Variants in PRPSAP1 observed in about 807,000 individuals in gnomAD.
PRPSAP1 encodes the protein phosphoribosyl pyrophosphate synthetase associated protein 1.
PRPSAP1 carries 31 observed loss-of-function variants against 39.4 expected under a neutral mutation model. The observed-to-expected ratio is 0.79, with a 90% CI of 0.59 to 1.06. PRPSAP1 has a LOEUF of 1.06. Among genes scored for constraint, PRPSAP1 ranks in the 50% least tolerant of loss-of-function variants. The probability of loss-of-function intolerance (pLI) is 0.00; values close to 1 mark genes in which losing one functional copy is unlikely to be tolerated. For missense variants in PRPSAP1, 430 were observed against 511.6 expected, an observed-to-expected ratio of 0.84 and a Z score of 1.54; for synonymous variants, 212 against 192.6, an observed-to-expected ratio of 1.10 and a Z score of -0.83.
intron 4 of PRPSAP1, 82 bp from the exon 5 acceptor site, chr17:76,330,748 C>T (rs2071312756): frequency 5.2e-6 from 4 of 774,862 alleles, no homozygotes; most frequent in Non-Finnish European, 8.3e-6. Flanking sequence ...TGCTCAACTC[C>T]TGCTTCCTAC....
intron 3 of PRPSAP1, among the ~76,000 whole-genome samples, chr17:76,342,816 A>G (rs1478807518): frequency 1.3e-5 from 2 of 151,792 alleles, no homozygotes; most frequent in African/African-American, 4.8e-5. Context: ...GCTCACGCCT[A>G]TAATCCCAGC....
chr17:76,346,919 G>A (rs904723072), intron 2 of PRPSAP1, among the ~76,000 whole-genome samples: 1 of 152,052 alleles, frequency 6.6e-6, no homozygotes, highest in Non-Finnish European at 1.5e-5. Flanking sequence ...CCTCCTCCAT[G>A]TCAGGAACTG....
At chr17:76,335,837 T>A (rs995822935) in intron 3 of PRPSAP1, among the ~76,000 whole-genome samples, 9 of 151,974 alleles carry the variant, frequency 5.9e-5, no homozygotes, top group African/African-American at 2.2e-4. Flanking sequence ...TAAAATAAAA[T>A]TTAAAAATCA....
intron 1 of PRPSAP1, among the ~76,000 whole-genome samples, chr17:76,352,661 A>G (rs1022102276): frequency 4.0e-5 from 6 of 151,052 alleles, no homozygotes; most frequent in Non-Finnish European, 8.9e-5. Context: ...AAAAAAAAAA[A>G]AAAAAAGAAA....
At position 76,337,809 on chromosome 17, in the gene PRPSAP1, G is replaced by A. The variant is rs141377586; in HGVS notation, c.291-5374C>T. 6.8e-3 allele frequency among the ~76,000 whole-genome samples: 1,038 copies of A among 152,152 alleles called. 19 individuals are homozygous for A. The highest frequency in any genetic ancestry group is 0.023 in the African/African-American group (975 of 41,504). Reference sequence around the variant, plus strand: ...TTTAGTAGAGACGGGGTTTCACCATGTTGGCTAGTCTGGTCTCAAACTCCT... The same window carrying A: ...TTTAGTAGAGACGGGGTTTCACCATATTGGCTAGTCTGGTCTCAAACTCCT... On this transcript the variant is annotated intron_variant, in intron 3 of 9. Coordinates refer to ENST00000446526, the MANE Select transcript of PRPSAP1 (RefSeq NM_002766.3).
chr17:76,323,337 G>A (rs1191221887), intron 7 of PRPSAP1, among the ~76,000 whole-genome samples: 15 of 147,106 alleles, frequency 1.0e-4, no homozygotes, highest in African/African-American at 3.6e-4. Context: ...GCAAGACTCT[G>A]TATCAAAAAA....
intron 7 of PRPSAP1, among the ~76,000 whole-genome samples, chr17:76,315,775 C>T (rs1435709221): frequency 1.5e-5 from 2 of 131,886 alleles, no homozygotes; most frequent in African/African-American, 2.9e-5. Context: ...AGTGCAGTGG[C>T]ACGATCTCGG....
intron 6 of PRPSAP1, 27 bp from the exon 7 acceptor site, chr17:76,328,889 A>G: frequency 6.3e-7 from 1 of 1,585,632 alleles, no homozygotes; most frequent in South Asian, 1.1e-5. Context: ...AAATGGTGAA[A>G]CTGACAGGAA....
intron 3 of PRPSAP1, among the ~76,000 whole-genome samples, chr17:76,335,821 TAAAAATAAAATAAAATTTAAAAATCA>T (rs2071372487): frequency 6.6e-6 from 1 of 152,040 alleles, no homozygotes; most frequent in Non-Finnish European, 1.5e-5. Context: ...ACCTGGTCTC[TAAAAATAAAATAAAATTTAAAAATCA>T]GCCAGGCACG....
chr17:76,311,954 T>C (rs539398763), intron 9 of PRPSAP1, among the ~76,000 whole-genome samples: 2 of 152,250 alleles, frequency 1.3e-5, no homozygotes, highest in Admixed American at 6.5e-5. Flanking sequence ...TGAGCCCCAG[T>C]GCTATGCAAA....
chr17:76,322,203 C>T (rs1396056956), intron 7 of PRPSAP1, among the ~76,000 whole-genome samples: 1 of 152,074 alleles, frequency 6.6e-6, no homozygotes, highest in African/African-American at 2.4e-5. Flanking sequence ...TCGTGACCAG[C>T]CCGACCAACA....
intron 7 of PRPSAP1, among the ~76,000 whole-genome samples, chr17:76,316,210 T>C (rs1354638755): frequency 6.8e-6 from 1 of 147,898 alleles, no homozygotes. Flanking sequence ...AAAAGAAAGA[T>C]TGCAAGCCAA....
In PRPSAP1 at chr17:76,311,528, G is replaced by C. The variant is rs1260353064; in HGVS notation, c.*14C>G. 2 of 1,612,400 alleles carry C rather than the reference G, an allele frequency of 1.2e-6. No individual in the cohort carries two copies. The highest frequency in any genetic ancestry group is 1.7e-6 in the Non-Finnish European group (2 of 1,179,160). Reference sequence around the variant, plus strand: ...TTTCCCTCAGGAGGTCCAGGGTCGAGACCCTCGTGAAAGCTAGTCATCCAC... The same window carrying C: ...TTTCCCTCAGGAGGTCCAGGGTCGACACCCTCGTGAAAGCTAGTCATCCAC... On this transcript the variant is annotated 3_prime_UTR_variant, in exon 10 of 10. Transcript: ENST00000446526.
At position 76,337,795 on chromosome 17, in the gene PRPSAP1, C is replaced by T. The variant is rs562039717; in HGVS notation, c.291-5360G>A. Among the ~76,000 whole-genome samples the T allele has an allele frequency of 6.2e-3, 939 of 152,120 alleles. 3 individuals are homozygous for T. The highest frequency in any genetic ancestry group is 0.011 in the Non-Finnish European group (748 of 67,968). ...TAATTTTTTGTATTTTTAGTAGAGACGGGGTTTCACCATGTTGGCTAGTCT... is the reference window on the plus strand; with the variant it reads ...TAATTTTTTGTATTTTTAGTAGAGATGGGGTTTCACCATGTTGGCTAGTCT... On this transcript the variant is annotated intron_variant, in intron 3 of 9. Coordinates refer to ENST00000446526, the MANE Select transcript of PRPSAP1 (RefSeq NM_002766.3).
intron 2 of PRPSAP1, chr17:76,346,030 G>A (rs1050960433): frequency 2.3e-6 from 1 of 439,740 alleles, no homozygotes; most frequent in Non-Finnish European, 4.4e-6. Flanking sequence ...TGACACTGGC[G>A]AGGAGGGGAA....
intron 1 of PRPSAP1, among the ~76,000 whole-genome samples, chr17:76,350,438 C>CA (rs541471519): frequency 0.021 from 2,624 of 127,282 alleles, 25 homozygotes; most frequent in Middle Eastern, 0.06. Flanking sequence ...GATTCCGTCT[C>CA]AAAAAAAAAA....
chr17:76,353,184 A>C, intron 1 of PRPSAP1: 2 of 218,778 alleles, frequency 9.1e-6, no homozygotes, highest in South Asian at 1.0e-4. Context: ...CAGCCGTGGG[A>C]AAGGAAGCCA....
chr17:76,340,191 G>A (rs1308072433), intron 3 of PRPSAP1, among the ~76,000 whole-genome samples: 1 of 148,018 alleles, frequency 6.8e-6, no homozygotes, highest in Non-Finnish European at 1.5e-5. Context: ...TTAGTATATT[G>A]CCCAGGCTGG....
At position 76,347,484 on chromosome 17, in the gene PRPSAP1, C is replaced by CAAAAAAAAAAAAAAAAA. The variant is rs71161289; in HGVS notation, c.223+1028_223+1044dup. On this transcript the variant is annotated intron_variant, in intron 2 of 9. Coordinates refer to ENST00000446526, the MANE Select transcript of PRPSAP1 (RefSeq NM_002766.3). ...CCTGGGTGACAGAGCAAGACTCCGT[C>CAAAAAAAAAAAAAAAAA]AAAAAAAAAAAAAAAAAAAAAAAAA... is the stretch of plus-strand genomic sequence containing the variant. Among the ~76,000 whole-genome samples the CAAAAAAAAAAAAAAAAA allele has an allele frequency of 1.5e-3, 37 of 25,220 alleles. 2 individuals carry two copies. Among genetic ancestry groups the CAAAAAAAAAAAAAAAAA allele is most frequent in the Non-Finnish European group, 2.2e-3 (27 of 12,148 alleles). 16.5% of individuals were successfully genotyped at this position (25,220 alleles called of 152,430 possible).
Sources: gnomAD v4.1 joint callset for allele counts (sites outside exome capture counted in the v4.1 genomes callset) on GRCh38, gnomAD v4.1.1 for gene constraint, MANE v1.5 for transcripts, NCBI Gene and HGNC (gene_info 2026-07-23, HGNC 2026-07-21) for gene names.